WDPCP: variants seen among roughly 807,000 people sequenced by gnomAD.
WDPCP encodes the protein WD repeat-containing and planar cell polarity effector protein fritz homolog.
In WDPCP, 71 loss-of-function variants were observed where a neutral mutation model predicts 93.1. The observed-to-expected ratio is 0.76, with a 90% confidence interval of 0.63 to 0.93. The LOEUF (loss-of-function observed/expected upper bound fraction) is 0.93, where lower values mean the gene tolerates loss of function less well. Among genes scored for constraint, WDPCP ranks in the 40% least tolerant of loss-of-function variants. The pLI, the probability that WDPCP is intolerant of heterozygous loss-of-function variation, is 0.00. For synonymous variants in WDPCP, 315 were observed against 315.0 expected (o/e 1.00, Z 0.00); for missense variants, 844 against 887.4 (o/e 0.95, Z 0.62).
chr2:63,476,217 T>C (rs1699963452), intron 6 of WDPCP, among the ~76,000 whole-genome samples: 2 of 152,102 alleles, frequency 1.3e-5, no homozygotes, highest in African/African-American at 4.8e-5. Context: ...TATGAAAGTG[T>C]TTACAGTGTT....
chr2:63,333,344 G>A (rs1688117579), intron 12 of WDPCP, among the ~76,000 whole-genome samples: 1 of 152,292 alleles, frequency 6.6e-6, no homozygotes, highest in Non-Finnish European at 1.5e-5. Flanking sequence ...GTCATGCAAA[G>A]TCTCTTGTGG....
intron 10 of WDPCP, among the ~76,000 whole-genome samples, chr2:63,401,607 C>G (rs1408649920): frequency 2.0e-5 from 3 of 152,106 alleles, no homozygotes; most frequent in African/African-American, 7.2e-5. Context: ...TGGTTTGAGA[C>G]CAGCCTGGGC....
chr2:63,159,513 C>T (rs913795055), intron 15 of WDPCP, among the ~76,000 whole-genome samples: 8 of 152,070 alleles, frequency 5.3e-5, no homozygotes, highest in African/African-American at 1.9e-4. Flanking sequence ...ATTTTCCTGC[C>T]GCTTTATATA....
At chr2:63,341,430 C>T (rs969060049) in intron 12 of WDPCP, among the ~76,000 whole-genome samples, 8 of 152,186 alleles carry the variant, frequency 5.3e-5, no homozygotes, top group African/African-American at 1.9e-4. Context: ...CGCCCAGCCC[C>T]AGACTTGTTT....
chr2:63,144,169 G>A (rs953257183), intron 17 of WDPCP, among the ~76,000 whole-genome samples: 9 of 151,954 alleles, frequency 5.9e-5, no homozygotes, highest in Admixed American at 4.6e-4. Context: ...TTGTTGGATT[G>A]GGTTAGTTCA....
intron 2 of WDPCP, among the ~76,000 whole-genome samples, chr2:63,807,338 T>A (rs1377961491): frequency 6.6e-6 from 1 of 152,190 alleles, no homozygotes; most frequent in Admixed American, 6.5e-5. Flanking sequence ...CAGCTCTGAA[T>A]TCACAAGAGA....
chr2:63,609,731 G>A (rs1709595210), intron 3 of WDPCP, among the ~76,000 whole-genome samples: 1 of 152,122 alleles, frequency 6.6e-6, no homozygotes, highest in Non-Finnish European at 1.5e-5. Flanking sequence ...AATTAGCCAG[G>A]CATGGTGGTG....
intron 13 of WDPCP, among the ~76,000 whole-genome samples, chr2:63,277,350 A>G (rs1473069694): frequency 6.6e-6 from 1 of 152,162 alleles, no homozygotes; most frequent in Non-Finnish European, 1.5e-5. Context: ...CACAACCACC[A>G]CAAGGTATTC....
chr2:63,688,851 G>A (rs930970007), intron 2 of WDPCP, among the ~76,000 whole-genome samples: 1 of 152,110 alleles, frequency 6.6e-6, no homozygotes. Flanking sequence ...CCTTTAAAAG[G>A]TGATTAGGTC....
chr2:63,603,388 T>C (rs1260361267), intron 3 of WDPCP, among the ~76,000 whole-genome samples: 1 of 152,226 alleles, frequency 6.6e-6, no homozygotes, highest in Non-Finnish European at 1.5e-5. Flanking sequence ...GCTTTATTTA[T>C]GTGTGCTAAA....
the WDPCP span, among the ~76,000 whole-genome samples, chr2:63,839,915 G>A: frequency 6.6e-6 from 1 of 152,134 alleles, no homozygotes; most frequent in African/African-American, 2.4e-5. Flanking sequence ...TCATTCTCTA[G>A]TATAACAATT....
chr2:63,245,117 T>A (rs894038148), intron 14 of WDPCP, among the ~76,000 whole-genome samples: 1 of 151,984 alleles, frequency 6.6e-6, no homozygotes, highest in African/African-American at 2.4e-5. Flanking sequence ...AGAAAGACTT[T>A]CCCCCGCCCC....
chr2:63,499,799 G>A (rs1413132561), intron 1 of WDPCP, among the ~76,000 whole-genome samples: 2 of 152,148 alleles, frequency 1.3e-5, no homozygotes, highest in African/African-American at 2.4e-5. Context: ...TGACCATGCC[G>A]TCACTGAACA....
chr2:63,740,885 G>C (rs1669702814), intron 2 of WDPCP, among the ~76,000 whole-genome samples: 1 of 152,096 alleles, frequency 6.6e-6, no homozygotes, highest in Admixed American at 6.6e-5. Flanking sequence ...TAAAAACATA[G>C]TTCTTTCTCC....
At chr2:63,352,540 T>C (rs1689708429) in intron 12 of WDPCP, among the ~76,000 whole-genome samples, 1 of 152,234 alleles carries the variant, frequency 6.6e-6, no homozygotes, top group Non-Finnish European at 1.5e-5. Flanking sequence ...TAAATGGATA[T>C]TTAACTGAAT....
chr2:63,161,746 T>C (rs374072258), intron 15 of WDPCP, among the ~76,000 whole-genome samples: 1 of 152,022 alleles, frequency 6.6e-6, no homozygotes, highest in South Asian at 2.1e-4. Flanking sequence ...TAATTTCAAC[T>C]GTTCATAAAT....
At chr2:63,606,532 C>T (rs1457171367) in intron 3 of WDPCP, among the ~76,000 whole-genome samples, 2 of 152,108 alleles carry the variant, frequency 1.3e-5, no homozygotes, top group African/African-American at 4.8e-5. Context: ...CAGCTCTTCC[C>T]ACTAGACACT....
intron 2 of WDPCP, among the ~76,000 whole-genome samples, chr2:63,769,067 C>T (rs934360457): frequency 6.6e-6 from 1 of 151,916 alleles, no homozygotes; most frequent in African/African-American, 2.4e-5. Flanking sequence ...CTCTGAGTTT[C>T]TGATTCCATA....
At chr2:63,662,184 C>T (rs747319467) in intron 2 of WDPCP, among the ~76,000 whole-genome samples, 2 of 152,202 alleles carry the variant, frequency 1.3e-5, no homozygotes, top group East Asian at 3.9e-4. Context: ...ATAAACAGCA[C>T]GTACTTTGGT....
Sources: allele counts gnomAD v4.1 joint callset (sites outside exome capture counted in the v4.1 genomes callset), GRCh38; gene constraint gnomAD v4.1.1; transcripts MANE v1.5; gene names NCBI Gene and HGNC (gene_info 2026-07-23, HGNC 2026-07-21).